The following SPECC1 variants were observed in gnomAD, a reference collection of about 807,000 sequenced individuals.
SPECC1 encodes the protein cytospin-B.
A neutral mutation model predicts 104.1 loss-of-function variants in SPECC1; 62 were observed. The ratio of observed to expected loss-of-function variants is 0.60; its 90% confidence interval spans 0.49 to 0.74. SPECC1 has a LOEUF of 0.74. SPECC1 is among the 30% of genes least tolerant of loss of function. The pLI, the probability that SPECC1 is intolerant of heterozygous loss-of-function variation, is 0.00. For synonymous variants in SPECC1, 513 were observed against 501.6 expected (o/e 1.02, Z -0.30); for missense variants, 1,306 against 1,310.5 (o/e 1.00, Z 0.05).
chr17:20,182,964 G>C (rs2035009030), intron 3 of SPECC1, among the ~76,000 whole-genome samples: 1 of 152,126 alleles, frequency 6.6e-6, no homozygotes, highest in Admixed American at 6.5e-5. Flanking sequence ...AAATAATGGG[G>C]TACAACTAGC....
chr17:20,099,132 A>C (rs1307037549), intron 2 of SPECC1, among the ~76,000 whole-genome samples: 1 of 152,154 alleles, frequency 6.6e-6, no homozygotes, highest in African/African-American at 2.4e-5. Context: ...CATAAGGAGT[A>C]AATGTGGGTA....
At chr17:20,279,824 T>TC (rs1422007837) in intron 12 of SPECC1, among the ~76,000 whole-genome samples, 3 of 152,166 alleles carry the variant, frequency 2.0e-5, no homozygotes, top group Non-Finnish European at 4.4e-5. Flanking sequence ...AGACCACAAC[T>TC]CCTGAACTAG....
At chr17:20,258,097 A>G (rs2039898299) in intron 11 of SPECC1, among the ~76,000 whole-genome samples, 1 of 152,214 alleles carries the variant, frequency 6.6e-6, no homozygotes, top group Admixed American at 6.5e-5. Context: ...AGTAGTCTTC[A>G]TTGCTAAGGA....
At chr17:20,307,395 G>A (rs1470359156) in intron 14 of SPECC1, among the ~76,000 whole-genome samples, 1 of 152,154 alleles carries the variant, frequency 6.6e-6, no homozygotes, top group Non-Finnish European at 1.5e-5. Context: ...TGTGGTTGAA[G>A]GTGGCTGCCA....
intron 3 of SPECC1, among the ~76,000 whole-genome samples, chr17:20,133,849 A>G (rs974326972): frequency 6.6e-6 from 1 of 152,080 alleles, no homozygotes; most frequent in African/African-American, 2.4e-5. Context: ...TCCCAACCAG[A>G]CCAGTCTCCA....
intron 4 of SPECC1, among the ~76,000 whole-genome samples, chr17:20,208,887 A>T (rs1180973242): frequency 6.6e-6 from 1 of 152,002 alleles, no homozygotes; most frequent in Non-Finnish European, 1.5e-5. Flanking sequence ...GCAGCCTTGA[A>T]CTCCTGGGCT....
intron 7 of SPECC1, among the ~76,000 whole-genome samples, chr17:20,235,432 A>G (rs1349089203): frequency 1.3e-5 from 2 of 152,192 alleles, no homozygotes; most frequent in African/African-American, 4.8e-5. Context: ...AAGGCTTTGA[A>G]ATGAAAACTC....
chr17:20,145,603 CT>C (rs1236203354), intron 3 of SPECC1, among the ~76,000 whole-genome samples: 5 of 152,324 alleles, frequency 3.3e-5, no homozygotes, highest in Admixed American at 1.3e-4. Flanking sequence ...TTTCCCCAGC[CT>C]TCCTCCCAGC....
chr17:20,066,911 A>AT (rs371289652), intron 1 of SPECC1, among the ~76,000 whole-genome samples: 10,925 of 120,038 alleles, frequency 0.091, 562 homozygotes, highest in African/African-American at 0.14. Flanking sequence ...GGCTAATCAA[A>AT]TTTTTTTTTT....
chr17:20,116,633 T>C lies in SPECC1; in HGVS notation c.283+6071T>C, dbSNP rs549542946. ...ACTTAGTACAAGATATAAAATGTAA[T>C]AAGGATGTCTGAATTATTCTAAGAA... On this transcript the variant is annotated intron_variant, in intron 3 of 14. Transcript: ENST00000395527. Among the ~76,000 whole-genome samples, 240 of 152,100 alleles carry C rather than the reference T, an allele frequency of 1.6e-3. 1 individual carries two copies. The highest frequency in any genetic ancestry group is 5.6e-3 in the African/African-American group (234 of 41,500).
intron 13 of SPECC1, among the ~76,000 whole-genome samples, chr17:20,299,569 A>G (rs1375707612): frequency 1.3e-4 from 15 of 118,388 alleles, no homozygotes; most frequent in African/African-American, 4.5e-4. Context: ...AAAAAAAAAA[A>G]AAAAAAAAAA....
At chr17:20,057,310 G>A (rs1484890907) in intron 1 of SPECC1, among the ~76,000 whole-genome samples, 2 of 151,986 alleles carry the variant, frequency 1.3e-5, no homozygotes, top group Non-Finnish European at 2.9e-5. Context: ...GCGTGGTGGC[G>A]GGCGCCTATA....
chr17:20,296,709 T>C lies in SPECC1; in HGVS notation c.2941-252T>C, dbSNP rs143715704. ...TCTTTTATTTCGTTGAGCAGTTGTT[T>C]GTAGTTCTCCTTGAAGAGGTCCTTC... is the stretch of plus-strand genomic sequence containing the variant. On this transcript the variant is annotated intron_variant, in intron 12 of 14. Transcript: ENST00000395527. Among the ~76,000 whole-genome samples the C allele has an allele frequency of 3.3e-5, 5 of 152,320 alleles. No individual in the cohort carries two copies. The South Asian group carries it at 1.0e-3, about 32-fold the overall frequency.
intron 1 of SPECC1, among the ~76,000 whole-genome samples, chr17:20,059,118 G>A (rs1302478887): frequency 6.6e-6 from 1 of 151,922 alleles, no homozygotes; most frequent in Non-Finnish European, 1.5e-5. Flanking sequence ...GGGATTACAG[G>A]TGTGAGCCAC....
chr17:20,274,065 A>G (rs1405718834), intron 12 of SPECC1, among the ~76,000 whole-genome samples: 1 of 152,182 alleles, frequency 6.6e-6, no homozygotes, highest in Non-Finnish European at 1.5e-5. Flanking sequence ...CTTTACATAT[A>G]TACTATATTA....
At chr17:20,055,531 T>C (rs1409887874) in intron 1 of SPECC1, among the ~76,000 whole-genome samples, 1 of 152,240 alleles carries the variant, frequency 6.6e-6, no homozygotes, top group Non-Finnish European at 1.5e-5. Flanking sequence ...GTTCTGTTCA[T>C]TTTAAGTCTC....
intron 3 of SPECC1, among the ~76,000 whole-genome samples, chr17:20,182,396 A>G (rs1456598566): frequency 6.6e-6 from 1 of 152,168 alleles, no homozygotes; most frequent in East Asian, 1.9e-4. Flanking sequence ...GATTACAGGC[A>G]TGACCCACCA....
At chr17:20,254,134 CGTGTGTGTGTGTGTGT>C (rs71357419) in intron 10 of SPECC1, among the ~76,000 whole-genome samples, 18 of 135,896 alleles carry the variant, frequency 1.3e-4, no homozygotes, top group East Asian at 2.2e-4. Context: ...GTTGTTACAC[CGTGTGTGTGTGTGTGT>C]GTGTGTGTGT....
intron 13 of SPECC1, among the ~76,000 whole-genome samples, chr17:20,298,450 G>T (rs2041429074): frequency 6.6e-6 from 1 of 152,206 alleles, no homozygotes; most frequent in Non-Finnish European, 1.5e-5. Context: ...GTGGAAGAAG[G>T]CTGGTTGGCT....
Sources: allele counts gnomAD v4.1 joint callset (sites outside exome capture counted in the v4.1 genomes callset), GRCh38; gene constraint gnomAD v4.1.1; transcripts MANE v1.5; gene names NCBI Gene and HGNC (gene_info 2026-07-23, HGNC 2026-07-21).